NDOR1: variants seen among roughly 807,000 people sequenced by gnomAD.
NDOR1 encodes the protein NADPH dependent diflavin oxidoreductase 1.
A neutral mutation model predicts 67.2 loss-of-function variants in NDOR1; 61 were observed. The observed-to-expected ratio is 0.91, with a 90% CI of 0.74 to 1.12. The LOEUF is 1.12. Among genes scored for constraint, NDOR1 ranks in the 50% most tolerant of loss-of-function variants. The pLI, the probability that NDOR1 is intolerant of heterozygous loss-of-function variation, is 0.00. For synonymous variants in NDOR1, 378 were observed against 343.7 expected (o/e 1.10, Z -1.10); for missense variants, 878 against 802.8 (o/e 1.09, Z -1.13).
chr9:137,206,680 C>A (rs922133520), intron 2 of NDOR1, among the ~76,000 whole-genome samples: 14 of 152,192 alleles, frequency 9.2e-5, no homozygotes, highest in Non-Finnish European at 1.6e-4. Context: ...GGGGATCCAG[C>A]TGTGAACCCA....
rs1324190314 is a variant in NDOR1, at chr9:137,216,265, C to T, written c.1650-7C>T. 2.5e-6 allele frequency: 4 copies of T among 1,613,150 alleles called. No homozygotes were observed. Among genetic ancestry groups the T allele is most frequent in the Non-Finnish European group, 3.4e-6 (4 of 1,179,972 alleles). The stretch of plus-strand genomic sequence containing the variant: ...CTCATTGCGCCTTCTGCGACCTGCC[C>T]CTCTAGCAACGCCAAGTCCATGCCA... On this transcript the variant is annotated splice_region_variant and splice_polypyrimidine_tract_variant and intron_variant, in intron 13 of 13. Transcript: ENST00000684003.
chr9:137,214,732 C>A (rs372522173), intron 7 of NDOR1, 41 bp downstream of exon 7: 31 of 1,597,370 alleles, frequency 1.9e-5, no homozygotes, highest in Middle Eastern at 3.3e-4. Context: ...TGCCCTCTCC[C>A]GTGCCCTGGG....
chr9:137,214,145 G>T (rs896530086), intron 5 of NDOR1, 59 bp from the exon 6 acceptor site: 13 of 1,545,968 alleles, frequency 8.4e-6, no homozygotes, highest in Non-Finnish European at 1.0e-5. Context: ...GGTCCCTCCC[G>T]TGTGGGTGGG....
At position 137,216,076 on chromosome 9, in the gene NDOR1, C is replaced by G; in HGVS notation, c.1555-18C>G. The G allele has an allele frequency of 6.2e-7, 1 of 1,613,452 alleles. No individual in the cohort carries two copies. The highest frequency in any genetic ancestry group is 8.5e-7 in the Non-Finnish European group (1 of 1,179,994). On this transcript the variant is annotated intron_variant, in intron 12 of 13. Coordinates refer to ENST00000684003, the MANE Select transcript of NDOR1 (RefSeq NM_014434.4). ...GGGAGCTCCGGCTCAGCCCCCAGCC[C>G]TGTTCTCTGCCCTACAGGAGCAGAA...
Position 137,212,445 on chromosome 9 carries a change from G to A in NDOR1, c.214-57G>A, listed in dbSNP as rs1304902410. 2 of 1,495,550 alleles carry A rather than the reference G, an allele frequency of 1.3e-6. No homozygotes were observed. The highest frequency in any genetic ancestry group is 1.9e-6 in the Non-Finnish European group (2 of 1,072,760). The allele number at this position is 1,495,550 out of a possible 1,614,324, so 92.6% of individuals were successfully genotyped here. On this transcript the variant is annotated intron_variant, in intron 2 of 13. Coordinates refer to ENST00000684003, the MANE Select transcript of NDOR1 (RefSeq NM_014434.4). This position sits in a 1 kb window ranked among gnomAD's most constrained non-coding sequence, Gnocchi z 4.3. ...CCCTGAGACCCTCCCCTCACCCCCT[G>A]CTGTGGGGCTAGCCTAGAGGTCGAG... is the stretch of plus-strand genomic sequence containing the variant.
At chr9:137,209,704 G>A (rs1835156356) in intron 2 of NDOR1, among the ~76,000 whole-genome samples, 1 of 152,218 alleles carries the variant, frequency 6.6e-6, no homozygotes, top group Non-Finnish European at 1.5e-5. Flanking sequence ...TGAGGATGCT[G>A]TAGGTGAGGC....
chr9:137,208,869 G>GTTTGTT (rs1458816575), intron 2 of NDOR1, among the ~76,000 whole-genome samples: 2 of 150,938 alleles, frequency 1.3e-5, no homozygotes, highest in Non-Finnish European at 3.0e-5. Context: ...TTTTGTTGTT[G>GTTTGTT]TTTGTTGTTG....
rs553268796 is a variant in NDOR1 at position 137,218,093 on chromosome 9, C to T, written c.*1677C>T. On this transcript the variant is annotated 3_prime_UTR_variant, in exon 14 of 14. Coordinates refer to ENST00000684003, the MANE Select transcript of NDOR1 (RefSeq NM_014434.4). ...GGAGGAGTGCCCGATCTGCACAGAG[C>T]CCTACGGGCCCAGAGAGCGCCGCCT... The T allele has an allele frequency of 2.3e-5, 9 of 398,936 alleles. No homozygotes were observed. The East Asian group carries it at 2.8e-4, about 13-fold the overall frequency. The allele number at this position is 398,936 out of a possible 1,614,324, so 24.7% of individuals were successfully genotyped here. A position where few individuals can be genotyped will look rare whatever the true frequency, so the allele number is the denominator to read the frequency against.
At chr9:137,206,192 T>TAA in intron 1 of NDOR1, 40 bp from the exon 2 acceptor site, 1 of 1,612,210 alleles carries the variant, frequency 6.2e-7, no homozygotes, top group Non-Finnish European at 8.5e-7. Context: ...GCCCGGTCCT[T>TAA]ACAGCCGGAG....
Position 137,207,867 on chromosome 9 carries a change from G to A in NDOR1, c.213+1558G>A, listed in dbSNP as rs139058401. Among the ~76,000 whole-genome samples the A allele has an allele frequency of 9.1e-3, 1,381 of 152,248 alleles. 27 individuals are homozygous for A. Among genetic ancestry groups the A allele is most frequent in the African/African-American group, 0.032 (1,326 of 41,542 alleles). On this transcript the variant is annotated intron_variant, in intron 2 of 13. Coordinates refer to ENST00000684003, the MANE Select transcript of NDOR1 (RefSeq NM_014434.4). Reference sequence around the variant, plus strand: ...TTTAAGAATGTCTTGAGTGCGGGCCGGCTGCGGTGGCTCACGCCTGTAATC... The same window carrying A: ...TTTAAGAATGTCTTGAGTGCGGGCCAGCTGCGGTGGCTCACGCCTGTAATC...
At chr9:137,208,367 C>T (rs1482713142) in intron 2 of NDOR1, among the ~76,000 whole-genome samples, 1 of 151,966 alleles carries the variant, frequency 6.6e-6, no homozygotes, top group African/African-American at 2.4e-5. Context: ...AGGAGAATGG[C>T]GTGAACCCGG....
chr9:137,208,012 T>C (rs1835054572), intron 2 of NDOR1, among the ~76,000 whole-genome samples: 1 of 151,074 alleles, frequency 6.6e-6, no homozygotes, highest in South Asian at 2.1e-4. Context: ...CACGGCGCAG[T>C]GGTGCGTGCC....
At position 137,215,909 on chromosome 9, in the gene NDOR1, G is replaced by A; in HGVS notation, c.1446G>A (p.Leu482=). The A allele has an allele frequency of 6.2e-7, 1 of 1,613,568 alleles. No individual in the cohort carries two copies. Among genetic ancestry groups the A allele is most frequent in the Non-Finnish European group, 8.5e-7 (1 of 1,180,012 alleles). ...RVAQGQTGNF[L]FFGCRWRDQD... Reference sequence around the variant, plus strand: ...CCTGTATTTCCCTAGGAAACTTCTTGTTTTTTGGCTGCCGCTGGCGGGACC... The same window carrying A: ...CCTGTATTTCCCTAGGAAACTTCTTATTTTTTGGCTGCCGCTGGCGGGACC... The change falls in exon 12 of 14, where the codon TTG becomes TTA. Residue 482 remains leucine, a synonymous_variant. Transcript: ENST00000684003.
Position 137,215,700 on chromosome 9 carries a change from G to T in NDOR1, c.1330G>T (p.Ala444Ser), listed in dbSNP as rs780338463. Reference sequence around the variant, plus strand: ...CCTCTGGGTGCGGCCTGGGAGTCTGGCCTTCCCAGAGACACCAGACACACC... The same window carrying T: ...CCTCTGGGTGCGGCCTGGGAGTCTGTCCTTCCCAGAGACACCAGACACACC... Reference protein sequence around the residue: ...VPLWVRPGSLAFPETPDTPVI... With the variant: ...VPLWVRPGSLSFPETPDTPVI... The change falls in exon 11 of 14, where the codon GCC becomes TCC. Residue 444 changes from alanine (A) to serine (S), a missense_variant. Transcript: ENST00000684003. The T allele has an allele frequency of 3.1e-6, 5 of 1,592,080 alleles. No homozygotes were observed. The South Asian group carries it at 5.7e-5, about 18-fold the overall frequency.
At chr9:137,215,361 T>G (rs761144029) in intron 9 of NDOR1, 46 bp from the exon 10 acceptor site, 29 of 1,591,424 alleles carry the variant, frequency 1.8e-5, no homozygotes, top group Non-Finnish European at 2.5e-5. Context: ...CAGGCACAGG[T>G]GAGGGCAGCC....
rs1168412313 is a variant in NDOR1 at position 137,216,561 on chromosome 9, C to T, written c.*145C>T. The T allele has an allele frequency of 1.3e-5, 14 of 1,094,916 alleles. No homozygotes were observed. The highest frequency in any genetic ancestry group is 4.8e-5 in the African/African-American group (3 of 63,016). 67.8% of individuals were successfully genotyped at this position (1,094,916 alleles called of 1,614,324 possible). A position where few individuals can be genotyped will look rare whatever the true frequency, so the allele number is the denominator to read the frequency against. ...GGAACAGCCAGCTCCCGAGCACAGC[C>T]GCACTCCTGTTGACCCTGGATCCCA... On this transcript the variant is annotated 3_prime_UTR_variant, in exon 14 of 14. Transcript: ENST00000684003.
In NDOR1 at chr9:137,218,508, T is replaced by TG; in HGVS notation, c.*2093dup. On this transcript the variant is annotated 3_prime_UTR_variant, in exon 14 of 14. Coordinates refer to ENST00000684003, the MANE Select transcript of NDOR1 (RefSeq NM_014434.4). Reference sequence around the variant, plus strand: ...GCCCGCCGCCTGGCGCTGCTGAGCCTGCTGGCCCTTGAGCTTCTGGGGCTG... The same window carrying TG: ...GCCCGCCGCCTGGCGCTGCTGAGCCTGGCTGGCCCTTGAGCTTCTGGGGCTG... 2.5e-6 allele frequency: 1 copy of TG among 400,378 alleles called. No homozygotes were observed. The highest frequency in any genetic ancestry group is 4.4e-6 in the Non-Finnish European group (1 of 227,652). The allele number at this position is 400,378 out of a possible 1,614,324, so 24.8% of individuals were successfully genotyped here. A position where few individuals can be genotyped will look rare whatever the true frequency, so the allele number is the denominator to read the frequency against.
At position 137,214,841 on chromosome 9, in the gene NDOR1, G is replaced by A. The variant is rs942787911; in HGVS notation, c.888G>A (p.Arg296=). Residue 296 remains arginine, a synonymous_variant, in exon 8 of 14, where the codon CGG becomes CGA. Coordinates refer to ENST00000684003, the MANE Select transcript of NDOR1 (RefSeq NM_014434.4). ...PTRLPQPCSM[R]HLVSHYLDIA... ...GGCTGCCCCAGCCCTGCTCCATGCG[G>A]CACCTCGTGTCCCACTACCTGGACA... 6.2e-7 allele frequency: 1 copy of A among 1,608,674 alleles called. No individual in the cohort carries two copies. Among genetic ancestry groups the A allele is most frequent in the African/African-American group, 1.3e-5 (1 of 75,058 alleles).
Position 137,216,436 on chromosome 9 carries a change from C to G in NDOR1, c.*20C>G. The stretch of plus-strand genomic sequence containing the variant: ...GCCTGAGGCCCGCGGCTGCCCGTGC[C>G]CCCTCTGACAGCCATCCTCCTGGGA... On this transcript the variant is annotated 3_prime_UTR_variant, in exon 14 of 14. Coordinates refer to ENST00000684003, the MANE Select transcript of NDOR1 (RefSeq NM_014434.4). The G allele has an allele frequency of 6.3e-7, 1 of 1,587,270 alleles. No individual in the cohort carries two copies. The highest frequency in any genetic ancestry group is 1.1e-5 in the South Asian group (1 of 90,512).
Sources: allele counts gnomAD v4.1 joint callset (sites outside exome capture counted in the v4.1 genomes callset), GRCh38; gene constraint gnomAD v4.1.1; non-coding constraint Gnocchi (gnomAD v3.1); transcripts MANE v1.5; gene names NCBI Gene and HGNC (gene_info 2026-07-23, HGNC 2026-07-21).